The following GRM1 variants were observed in gnomAD, a reference collection of about 807,000 sequenced individuals.
GRM1 encodes the protein metabotropic glutamate receptor 1.
In GRM1, 33 loss-of-function variants were observed where a neutral mutation model predicts 90.9. That is an observed-to-expected ratio of 0.36 (90% CI 0.28 to 0.49). The LOEUF is 0.49. GRM1 is among the 20% of genes least tolerant of loss of function. The pLI is 0.99. For synonymous variants in GRM1, 700 were observed against 613.2 expected (o/e 1.14, Z -2.09); for missense variants, 1,190 against 1,534.3 (o/e 0.78, Z 3.75).
At chr6:146,354,448 C>G (rs1038125754) in intron 4 of GRM1, among the ~76,000 whole-genome samples, 1 of 149,094 alleles carries the variant, frequency 6.7e-6, no homozygotes, top group African/African-American at 2.4e-5. Context: ...TTCATGTATT[C>G]AAGTTTACTC....
intron 2 of GRM1, among the ~76,000 whole-genome samples, chr6:146,262,126 C>G (rs138007093): frequency 1.2e-4 from 18 of 150,876 alleles, no homozygotes; most frequent in Non-Finnish European, 2.5e-4. Context: ...GGTATAAACC[C>G]GAGCTAGCTT....
chr6:146,347,631 A>G (rs1583362056), intron 3 of GRM1, among the ~76,000 whole-genome samples: 1 of 152,346 alleles, frequency 6.6e-6, no homozygotes. Context: ...ACACTGAAAG[A>G]TAAAAAAAAT....
At chr6:146,243,216 C>T (rs1780929921) in intron 2 of GRM1, among the ~76,000 whole-genome samples, 1 of 151,868 alleles carries the variant, frequency 6.6e-6, no homozygotes, top group South Asian at 2.1e-4. Flanking sequence ...AATGTATTCA[C>T]AATATACACA....
At chr6:146,249,068 A>G (rs1284295458) in intron 2 of GRM1, among the ~76,000 whole-genome samples, 4 of 152,222 alleles carry the variant, frequency 2.6e-5, no homozygotes. Flanking sequence ...GCATTCAGTT[A>G]CATGCATTCA....
At chr6:146,301,251 C>T (rs530422773) in intron 2 of GRM1, among the ~76,000 whole-genome samples, 1 of 152,216 alleles carries the variant, frequency 6.6e-6, no homozygotes, top group Admixed American at 6.5e-5. Context: ...GAGCAGGCAC[C>T]TATAGTGAGG....
chr6:146,301,690 C>T (rs1783387962), intron 2 of GRM1, among the ~76,000 whole-genome samples: 1 of 152,056 alleles, frequency 6.6e-6, no homozygotes, highest in South Asian at 2.1e-4. Context: ...TTCTTCAAAG[C>T]CTAACTGGTC....
chr6:146,151,040 A>T (rs1179394838), intron 1 of GRM1, among the ~76,000 whole-genome samples: 1 of 152,106 alleles, frequency 6.6e-6, no homozygotes, highest in African/African-American at 2.4e-5. Flanking sequence ...ACTTTCCAAG[A>T]AATATTTTTT....
intron 1 of GRM1, among the ~76,000 whole-genome samples, chr6:146,117,183 C>A (rs989317661): frequency 6.7e-6 from 1 of 149,822 alleles, no homozygotes; most frequent in African/African-American, 2.4e-5. Flanking sequence ...TCTTGAGTTT[C>A]ATGCTTATCT....
intron 1 of GRM1, among the ~76,000 whole-genome samples, chr6:146,127,692 C>A (rs1046141099): frequency 6.6e-6 from 1 of 152,194 alleles, no homozygotes; most frequent in African/African-American, 2.4e-5. Flanking sequence ...AGATCTCCTG[C>A]TAACTCTTAG....
At chr6:146,219,041 C>T (rs1779967546) in intron 2 of GRM1, among the ~76,000 whole-genome samples, 1 of 152,118 alleles carries the variant, frequency 6.6e-6, no homozygotes, top group Non-Finnish European at 1.5e-5. Context: ...TCTCTTTTCT[C>T]CAAATCCCTT....
intron 7 of GRM1, among the ~76,000 whole-genome samples, chr6:146,407,825 T>G (rs1777403092): frequency 6.6e-6 from 1 of 152,192 alleles, no homozygotes; most frequent in South Asian, 2.1e-4. Context: ...TTAAATTCAA[T>G]TAATAAGAGA....
chr6:146,237,794 G>T (rs996432430), intron 2 of GRM1, among the ~76,000 whole-genome samples: 4 of 152,130 alleles, frequency 2.6e-5, no homozygotes, highest in Non-Finnish European at 4.4e-5. Flanking sequence ...CATGCCATCT[G>T]ATAGGGTGAC....
intron 2 of GRM1, among the ~76,000 whole-genome samples, chr6:146,281,334 A>G (rs1301169175): frequency 6.6e-6 from 1 of 152,216 alleles, no homozygotes; most frequent in Non-Finnish European, 1.5e-5. Context: ...TACATTACTT[A>G]GCACATTTGA....
chr6:146,098,138 T>C (rs1027911955), intron 1 of GRM1, among the ~76,000 whole-genome samples: 9 of 152,190 alleles, frequency 5.9e-5, no homozygotes, highest in African/African-American at 2.2e-4. Flanking sequence ...GACACCATTG[T>C]ACCAAATTAG....
chr6:146,162,089 A>G (rs1043034301), intron 2 of GRM1, among the ~76,000 whole-genome samples: 4 of 152,180 alleles, frequency 2.6e-5, no homozygotes, highest in Admixed American at 2.0e-4. Context: ...ACTTCTAGCT[A>G]CATTAGTAAT....
chr6:146,102,277 C>G (rs1396290936), intron 1 of GRM1, among the ~76,000 whole-genome samples: 1 of 152,188 alleles, frequency 6.6e-6, no homozygotes, highest in Non-Finnish European at 1.5e-5. Flanking sequence ...TAAGCTTTCA[C>G]TTAACATACC....
At chr6:146,424,721 A>G (rs1778134095) in intron 7 of GRM1, among the ~76,000 whole-genome samples, 1 of 152,236 alleles carries the variant, frequency 6.6e-6, no homozygotes, top group Non-Finnish European at 1.5e-5. Context: ...CCAATTGAAC[A>G]GGCCACATAC....
intron 2 of GRM1, among the ~76,000 whole-genome samples, chr6:146,222,707 C>T (rs1780111247): frequency 6.6e-6 from 1 of 152,036 alleles, no homozygotes; most frequent in Non-Finnish European, 1.5e-5. Context: ...TGAGAAACGC[C>T]CCCATAGATG....
chr6:146,260,397 A>G (rs913306942), intron 2 of GRM1, among the ~76,000 whole-genome samples: 5 of 152,064 alleles, frequency 3.3e-5, no homozygotes, highest in African/African-American at 1.2e-4. Flanking sequence ...TATCCAGTCT[A>G]TCATTGATGG....
Sources: allele counts gnomAD v4.1 joint callset (sites outside exome capture counted in the v4.1 genomes callset), GRCh38; gene constraint gnomAD v4.1.1; transcripts MANE v1.5; gene names NCBI Gene and HGNC (gene_info 2026-07-23, HGNC 2026-07-21).